Variants in RYR3 observed in about 807,000 individuals in gnomAD.
The protein encoded by RYR3 is ryanodine receptor 3, also known as brain ryanodine receptor-calcium release channel.
A neutral mutation model predicts 584.3 loss-of-function variants in RYR3; 207 were observed. That is an observed-to-expected ratio of 0.35 (90% confidence interval 0.32 to 0.40). The LOEUF is 0.40. Among genes scored for constraint, RYR3 ranks in the 10% least tolerant of loss-of-function variants. RYR3 has a pLI of 1.00. For synonymous variants in RYR3, 2,416 were observed against 2,248.5 expected (o/e 1.07, Z -2.11); for missense variants, 5,616 against 6,089.2 (o/e 0.92, Z 2.59).
At chr15:33,709,266 C>T (rs2066928537) in intron 43 of RYR3, among the ~76,000 whole-genome samples, 1 of 152,034 alleles carries the variant, frequency 6.6e-6, no homozygotes, top group Admixed American at 6.6e-5. Flanking sequence ...AGGGAGAGAG[C>T]ACTGAAGGGG....
At chr15:33,862,825 G>GAAACCCT (rs1888879579) in intron 102 of RYR3, among the ~76,000 whole-genome samples, 3 of 152,052 alleles carry the variant, frequency 2.0e-5, no homozygotes, top group Non-Finnish European at 4.4e-5. Context: ...TGGCCAAGCT[G>GAAACCCT]GTCTCAAACT....
rs1405634876 is a variant in RYR3, at chr15:33,853,614, G to T, written c.13731G>T (p.Leu4577Phe). ...GAERIAELLG[L>F]DKNALDFSPV... ...AACGCATTGCTGAACTTCTGGGTTT[G>T]GACAAAAATGCTCTTGACTTTAGCC... The change falls in exon 96 of 104, where the codon TTG (leucine) becomes TTT (phenylalanine). Residue 4577 changes from leucine to phenylalanine, a missense_variant. Physicochemically the swap from Leu to Phe is conservative, Grantham distance 22. This residue lies in a region of RYR3 where 918 missense variants were observed against 887.4 expected (regional missense o/e 1.03). Coordinates refer to ENST00000634891, the MANE Select transcript of RYR3 (RefSeq NM_001036.6). 3.1e-6 allele frequency: 5 copies of T among 1,613,938 alleles called. No individual in the cohort carries two copies. The highest frequency in any genetic ancestry group is 4.2e-6 in the Non-Finnish European group (5 of 1,179,870).
intron 1 of RYR3, among the ~76,000 whole-genome samples, chr15:33,334,009 C>T (rs1970670887): frequency 6.6e-6 from 1 of 152,108 alleles, no homozygotes; most frequent in South Asian, 2.1e-4. Flanking sequence ...AAAACTACAA[C>T]CACTGCTCAA....
At chr15:33,810,159 G>C (rs187761195) in intron 70 of RYR3, among the ~76,000 whole-genome samples, 1 of 152,308 alleles carries the variant, frequency 6.6e-6, no homozygotes, top group East Asian at 1.9e-4. Flanking sequence ...ATTTTTGTCA[G>C]TTAACAAATC....
rs1032107495 is a variant in RYR3, at chr15:33,661,250, C to T, written c.4622+827C>T. On this transcript the variant is annotated intron_variant, in intron 34 of 103. Coordinates refer to ENST00000634891, the MANE Select transcript of RYR3 (RefSeq NM_001036.6). The stretch of plus-strand genomic sequence containing the variant: ...ATCTAAGCAGAGATTAGAGCCGAGG[C>T]CCTGGACCCACACAAACAAGGGAGC... Among the ~76,000 whole-genome samples the T allele has an allele frequency of 2.0e-5, 3 of 152,070 alleles. No homozygotes were observed. In the East Asian group the frequency reaches 5.8e-4, roughly 29 times the overall value.
intron 43 of RYR3, among the ~76,000 whole-genome samples, chr15:33,710,075 A>G (rs914927105): frequency 6.6e-6 from 1 of 152,182 alleles, no homozygotes; most frequent in African/African-American, 2.4e-5. Context: ...GAAATTACTG[A>G]GGTGGAATTC....
chr15:33,807,853 C>T (rs1470867564), intron 70 of RYR3: 4 of 487,436 alleles, frequency 8.2e-6, no homozygotes, highest in African/African-American at 7.7e-5. Context: ...GCAGCCACCA[C>T]ACTAACAGAG....
chr15:33,860,937 G>A (rs1887972205), intron 101 of RYR3, 141 bp from the exon 102 acceptor site: 1 of 600,360 alleles, frequency 1.7e-6, no homozygotes, highest in Non-Finnish European at 2.7e-6. Flanking sequence ...CCAATGTATG[G>A]CACTACTGAG....
Position 33,566,749 on chromosome 15 carries a change from G to T in RYR3, c.1218G>T (p.Gln406His), listed in dbSNP as rs769478015. Residue 406 changes from glutamine (Q) to histidine (H), a missense_variant, in exon 12 of 104, where the codon CAG becomes CAT. Gln to His is a conservative substitution (Grantham distance 24, BLOSUM62 0). Transcript: ENST00000634891. ...AGAGATGCCAGCGTGAGGAGTCCCA[G>T]GCTGCTCGGATCATCCGGAACACTA... The part of the protein sequence containing the change: ...TLQRCQREES[Q>H]AARIIRNTTA... 19 of 1,613,772 alleles carry T rather than the reference G, an allele frequency of 1.2e-5. No individual in the cohort carries two copies. Among genetic ancestry groups the T allele is most frequent in the Non-Finnish European group, 1.6e-5 (19 of 1,179,712 alleles).
At chr15:33,464,310 T>C (rs901270088) in intron 1 of RYR3, among the ~76,000 whole-genome samples, 1 of 151,378 alleles carries the variant, frequency 6.6e-6, no homozygotes, top group Non-Finnish European at 1.5e-5. Flanking sequence ...CCTCCAGGTA[T>C]GTGGGGGAAG....
intron 45 of RYR3, among the ~76,000 whole-genome samples, chr15:33,725,154 T>TACACACACACACAC (rs58951939): frequency 2.5e-4 from 29 of 113,896 alleles, no homozygotes; most frequent in African/African-American, 9.0e-4. Context: ...TCCAACACCT[T>TACACACACACACAC]ACACACACAC....
At chr15:33,695,314 C>T (rs1460889624) in intron 38 of RYR3, among the ~76,000 whole-genome samples, 2 of 152,188 alleles carry the variant, frequency 1.3e-5, no homozygotes, top group African/African-American at 2.4e-5. Flanking sequence ...CCTTTACCTC[C>T]TATGCCAATG....
At chr15:33,351,649 A>C (rs1275444636) in intron 1 of RYR3, among the ~76,000 whole-genome samples, 23 of 148,894 alleles carry the variant, frequency 1.5e-4, no homozygotes, top group South Asian at 4.3e-4. Flanking sequence ...ACAGAACCAA[A>C]GACAAAAACC....
intron 52 of RYR3, among the ~76,000 whole-genome samples, chr15:33,745,279 G>C (rs116380421): frequency 1.0e-3 from 153 of 151,806 alleles, no homozygotes; most frequent in African/African-American, 3.6e-3. Context: ...AGCTTAAATA[G>C]GTTTGAAACT....
intron 16 of RYR3, among the ~76,000 whole-genome samples, chr15:33,596,153 A>G (rs955917085): frequency 2.0e-5 from 3 of 151,094 alleles, no homozygotes; most frequent in Non-Finnish European, 4.4e-5. Flanking sequence ...TGTTGTATAC[A>G]TAACCTTTAA....
chr15:33,615,428 TGC>T (rs1246455652), intron 19 of RYR3, among the ~76,000 whole-genome samples: 2 of 152,214 alleles, frequency 1.3e-5, no homozygotes, highest in African/African-American at 4.8e-5. Flanking sequence ...AATTGTCCTA[TGC>T]GAATGGTACT....
intron 19 of RYR3, among the ~76,000 whole-genome samples, chr15:33,614,227 A>G (rs750575691): frequency 2.0e-5 from 3 of 152,120 alleles, no homozygotes; most frequent in Non-Finnish European, 4.4e-5. Flanking sequence ...GTGAATATTT[A>G]TATGTTTAAC....
rs1299640400 is a variant in RYR3, at chr15:33,336,472, G to A, written c.51+25376G>A. ...AGAGAGAGAGAGAGAGAGAGAGAGA[G>A]AGAGAGAGAGAGAGAAAGAAAGAAA... On this transcript the variant is annotated intron_variant, in intron 1 of 103. Transcript: ENST00000634891. 2.5e-4 allele frequency among the ~76,000 whole-genome samples: 5 copies of A among 20,028 alleles called. No homozygotes were observed. The African/African-American group carries it at 2.7e-3, about 11-fold the overall frequency. 13.1% of individuals were successfully genotyped at this position (20,028 alleles called of 152,430 possible). A position where few individuals can be genotyped will look rare whatever the true frequency, so the allele number is the denominator to read the frequency against.
chr15:33,662,267 C>T lies in RYR3; in HGVS notation c.4737C>T (p.Ala1579=), dbSNP rs779585668. 7 of 1,610,710 alleles carry T rather than the reference C, an allele frequency of 4.3e-6. No homozygotes were observed. The highest frequency in any genetic ancestry group is 5.9e-6 in the Non-Finnish European group (7 of 1,178,666). ...TGGGAAACAGCCGCGTGGCCTACGC[C>T]CTGTGCAGCCACGTGGACCTCTCCC... is the stretch of plus-strand genomic sequence containing the variant. ...CALGNSRVAY[A]LCSHVDLSQL... Residue 1579 remains alanine (A), a synonymous_variant, in exon 35 of 104, where the codon GCC becomes GCT. Transcript: ENST00000634891.
Sources: allele counts gnomAD v4.1 joint callset (sites outside exome capture counted in the v4.1 genomes callset), GRCh38; gene constraint gnomAD v4.1.1; regional missense constraint gnomAD v4.1.1; transcripts MANE v1.5; gene names NCBI Gene and HGNC (gene_info 2026-07-23, HGNC 2026-07-21).